TRIP4: variants seen among roughly 807,000 people sequenced by gnomAD.
The protein encoded by TRIP4 is activating signal cointegrator 1.
Under a neutral mutation model 81.8 loss-of-function variants are expected in TRIP4, and 54 were observed. The ratio of observed to expected loss-of-function variants is 0.66; its 90% CI spans 0.53 to 0.83. The LOEUF is 0.83. Among genes scored for constraint, TRIP4 ranks in the 40% least tolerant of loss-of-function variants. TRIP4 has a pLI of 0.00. For synonymous variants in TRIP4, 270 were observed against 242.8 expected (o/e 1.11, Z -1.04); for missense variants, 662 against 683.6 (o/e 0.97, Z 0.35).
At chr15:64,410,562 A>C (rs1891739299) in intron 7 of TRIP4, among the ~76,000 whole-genome samples, 1 of 152,200 alleles carries the variant, frequency 6.6e-6, no homozygotes, top group Admixed American at 6.6e-5. Context: ...TAATGTCTTT[A>C]TCTCAGACCA....
At chr15:64,439,005 C>G (rs1462680556) in intron 11 of TRIP4, among the ~76,000 whole-genome samples, 1 of 152,168 alleles carries the variant, frequency 6.6e-6, no homozygotes, top group East Asian at 1.9e-4. Flanking sequence ...AGGCATGTGA[C>G]TTGAATTGGG....
intron 10 of TRIP4, among the ~76,000 whole-genome samples, chr15:64,425,238 G>A (rs1194497294): frequency 6.6e-6 from 1 of 151,880 alleles, no homozygotes; most frequent in Non-Finnish European, 1.5e-5. Flanking sequence ...CTGATCCAAT[G>A]GCGTATAGTA....
chr15:64,391,688 T>C (rs1478575171), intron 1 of TRIP4, among the ~76,000 whole-genome samples: 1 of 151,610 alleles, frequency 6.6e-6, no homozygotes, highest in African/African-American at 2.4e-5. Context: ...ACTCCAGGGT[T>C]GGCCAGGTGC....
rs760555969 is a variant in TRIP4, at chr15:64,414,239, A to G, written c.1170+28A>G. 3.7e-6 allele frequency: 6 copies of G among 1,610,456 alleles called. No individual in the cohort carries two copies. In the East Asian group the frequency reaches 1.1e-4, roughly 30 times the overall value. ...TAGTGGACCTTTGCTCTAACTGTTAATAAGAAGTTTGGCCCCAATTTTGCC... is the reference window on the plus strand; with the variant it reads ...TAGTGGACCTTTGCTCTAACTGTTAGTAAGAAGTTTGGCCCCAATTTTGCC... On this transcript the variant is annotated intron_variant, in intron 8 of 12. Coordinates refer to ENST00000261884, the MANE Select transcript of TRIP4 (RefSeq NM_016213.5).
chr15:64,408,779 A>G (rs963914666), intron 6 of TRIP4, among the ~76,000 whole-genome samples: 2 of 152,138 alleles, frequency 1.3e-5, no homozygotes, highest in African/African-American at 4.8e-5. Context: ...GATTCCTTCC[A>G]GGTTTTAGTG....
At chr15:64,424,010 C>G in intron 9 of TRIP4, 21 bp from the exon 10 acceptor site, 1 of 1,612,644 alleles carries the variant, frequency 6.2e-7, no homozygotes, top group Non-Finnish European at 8.5e-7. Flanking sequence ...ATCCTTCCCA[C>G]TAAATTTCTA....
Position 64,418,412 on chromosome 15 carries a change from T to G in TRIP4, c.1171-129T>G, listed in dbSNP as rs2140297281. On this transcript the variant is annotated intron_variant, in intron 8 of 12. Transcript: ENST00000261884. Reference sequence around the variant, plus strand: ...CAGGCGTGAGCCACGATGCCCGGCCTGGGATATATTTTTCTAAGAAAAATG... The same window carrying G: ...CAGGCGTGAGCCACGATGCCCGGCCGGGGATATATTTTTCTAAGAAAAATG... 3 of 1,073,768 alleles carry G rather than the reference T, an allele frequency of 2.8e-6. No homozygotes were observed. The African/African-American group carries it at 4.8e-5, about 17-fold the overall frequency. The allele number at this position is 1,073,768 out of a possible 1,614,324, so 66.5% of individuals were successfully genotyped here.
rs1386002322 is a variant in TRIP4, at chr15:64,393,942, T to G, written c.102-4T>G. On this transcript the variant is annotated splice_polypyrimidine_tract_variant and splice_region_variant and intron_variant, in intron 1 of 12. Coordinates refer to ENST00000261884, the MANE Select transcript of TRIP4 (RefSeq NM_016213.5). ...TTCAACAACTTATATCTTTGCCTCC[T>G]GAGGTACGTTTTGTCAATTGAGAGT... 2 of 1,573,642 alleles carry G rather than the reference T, an allele frequency of 1.3e-6. No individual in the cohort carries two copies. The highest frequency in any genetic ancestry group is 1.7e-6 in the Non-Finnish European group (2 of 1,162,304).
In TRIP4 at chr15:64,444,990, T is replaced by C. The variant is rs1047521577; in HGVS notation, c.1576-16T>C. ...TGTCCCAACTATCCTGAACTTTTTATTTTTATATTTCACAGTTTCCAGACA... is the reference window on the plus strand; with the variant it reads ...TGTCCCAACTATCCTGAACTTTTTACTTTTATATTTCACAGTTTCCAGACA... On this transcript the variant is annotated splice_polypyrimidine_tract_variant and intron_variant, in intron 11 of 12. Coordinates refer to ENST00000261884, the MANE Select transcript of TRIP4 (RefSeq NM_016213.5). 13 of 1,404,618 alleles carry C rather than the reference T, an allele frequency of 9.3e-6. No individual in the cohort carries two copies. Among genetic ancestry groups the C allele is most frequent in the Non-Finnish European group, 1.3e-5 (13 of 1,008,594 alleles). The allele number at this position is 1,404,618 out of a possible 1,614,324, so 87.0% of individuals were successfully genotyped here. A position where few individuals can be genotyped will look rare whatever the true frequency, so the allele number is the denominator to read the frequency against.
At chr15:64,447,502 A>G (rs886235566) in intron 12 of TRIP4, among the ~76,000 whole-genome samples, 1 of 152,210 alleles carries the variant, frequency 6.6e-6, no homozygotes, top group Non-Finnish European at 1.5e-5. Context: ...ACTGCTTTCA[A>G]TCACAAAATG....
intron 12 of TRIP4, 187 bp downstream of exon 12, chr15:64,445,295 T>C (rs1892603094): frequency 2.3e-5 from 9 of 388,678 alleles, no homozygotes; most frequent in South Asian, 1.6e-4. Context: ...CTTTTCTTTT[T>C]TTTTGTCTTG....
At chr15:64,394,245 C>A in intron 2 of TRIP4, 130 bp downstream of exon 2, 2 of 748,172 alleles carry the variant, frequency 2.7e-6, no homozygotes, top group South Asian at 2.9e-5. Context: ...CATATGTATA[C>A]ATATTTTTAG....
chr15:64,427,707 C>CTAACA (rs2140302716), intron 11 of TRIP4, among the ~76,000 whole-genome samples: 1 of 152,176 alleles, frequency 6.6e-6, no homozygotes, highest in African/African-American at 2.4e-5. Context: ...ACTTGTTATC[C>CTAACA]CTCTAGATTT....
chr15:64,415,674 T>G (rs1449964416), intron 8 of TRIP4, among the ~76,000 whole-genome samples: 2 of 152,176 alleles, frequency 1.3e-5, no homozygotes, highest in Non-Finnish European at 2.9e-5. Context: ...CCTACTATAA[T>G]CTAATATAAC....
intron 10 of TRIP4, 140 bp from the exon 11 acceptor site, chr15:64,425,400 A>G (rs1278238711): frequency 1.3e-6 from 1 of 763,962 alleles, no homozygotes; most frequent in Non-Finnish European, 2.1e-6. Context: ...TGTGCCAAGT[A>G]AATTTCACTG....
chr15:64,454,145 T>C (rs1255832072), intron 12 of TRIP4, among the ~76,000 whole-genome samples: 11 of 152,046 alleles, frequency 7.2e-5, no homozygotes, highest in Admixed American at 2.0e-4. Context: ...TTTTTTTTTT[T>C]AGTGCTGAGA....
At chr15:64,425,806 G>C (rs1436198477) in intron 11 of TRIP4, among the ~76,000 whole-genome samples, 175 bp downstream of exon 11, 2 of 152,162 alleles carry the variant, frequency 1.3e-5, no homozygotes, top group African/African-American at 2.4e-5. Context: ...TTCCAGGCCG[G>C]GCGCTGGTGG....
chr15:64,453,745 T>G (rs1406349752), intron 12 of TRIP4, among the ~76,000 whole-genome samples: 4 of 151,974 alleles, frequency 2.6e-5, no homozygotes, highest in East Asian at 1.9e-4. Flanking sequence ...GAGAGAGAGA[T>G]AAACAGACAA....
intron 6 of TRIP4, among the ~76,000 whole-genome samples, chr15:64,407,763 G>A (rs533162496): frequency 6.6e-6 from 1 of 152,220 alleles, no homozygotes; most frequent in East Asian, 1.9e-4. Context: ...TTTTGCTGGT[G>A]TATTCATGGA....
Sources: allele counts gnomAD v4.1 joint callset (sites outside exome capture counted in the v4.1 genomes callset), GRCh38; gene constraint gnomAD v4.1.1; transcripts MANE v1.5; gene names NCBI Gene and HGNC (gene_info 2026-07-23, HGNC 2026-07-21).